LRP4: variants seen among roughly 807,000 people sequenced by gnomAD.
LRP4 encodes low-density lipoprotein receptor-related protein 4.
LRP4 carries 95 observed loss-of-function variants against 220.3 expected under a neutral mutation model. That is an observed-to-expected ratio of 0.43 (90% confidence interval 0.37 to 0.51). The LOEUF is 0.51. Among genes scored for constraint, LRP4 ranks in the 20% least tolerant of loss-of-function variants. The probability of loss-of-function intolerance (pLI) is 0.00; values close to 1 mark genes in which losing one functional copy is unlikely to be tolerated. For synonymous variants in LRP4, 903 were observed against 954.6 expected, an observed-to-expected ratio of 0.95 and a Z score of 1.00; for missense variants, 1,925 against 2,567.0, an observed-to-expected ratio of 0.75 and a Z score of 5.40.
chr11:46,896,191 G>A lies in LRP4; in HGVS notation c.1048+19C>T, dbSNP rs1156689056. Reference sequence around the variant, plus strand: ...CGGCCACAAACCATGGGCCAGGTCCGCCCACTGGGGACACTCACGGCAATT... The same window carrying A: ...CGGCCACAAACCATGGGCCAGGTCCACCCACTGGGGACACTCACGGCAATT... On this transcript the variant is annotated intron_variant, in intron 9 of 37. Transcript: ENST00000378623. The A allele has an allele frequency of 7.4e-6, 12 of 1,613,054 alleles. No homozygotes were observed. Among genetic ancestry groups the A allele is most frequent in the Admixed American group, 1.7e-5 (1 of 60,000 alleles).
At position 46,859,191 on chromosome 11, in the gene LRP4, A is replaced by G. The variant is rs759491078; in HGVS notation, c.5510T>C (p.Leu1837Pro). ...TGTCTTCATGCATACATGATCCCGG[A>G]GGAGGCCCCCCCGTGAGCTTCGCAG... ...KQLRSSRGGL[L>P]RDHVCMKTDT... Residue 1837 changes from leucine to proline, a missense_variant, in exon 38 of 38, where the codon CTC becomes CCC. Physicochemically the swap from Leu to Pro is moderately conservative, Grantham distance 98. This residue lies in a region of LRP4 where 1,244 missense variants were observed against 1,624.9 expected (regional missense o/e 0.77). Coordinates refer to ENST00000378623, the MANE Select transcript of LRP4 (RefSeq NM_002334.4). The G allele has an allele frequency of 5.6e-6, 9 of 1,613,930 alleles. No homozygotes were observed. In the Admixed American group the frequency reaches 1.5e-4, roughly 27 times the overall value.
At position 46,899,991 on chromosome 11, in the gene LRP4, C is replaced by T; in HGVS notation, c.317-15G>A. 1 of 1,596,468 alleles carries T rather than the reference C, an allele frequency of 6.3e-7. No homozygotes were observed. Among genetic ancestry groups the T allele is most frequent in the Non-Finnish European group, 8.6e-7 (1 of 1,164,658 alleles). On this transcript the variant is annotated splice_polypyrimidine_tract_variant and intron_variant, in intron 3 of 37. Coordinates refer to ENST00000378623, the MANE Select transcript of LRP4 (RefSeq NM_002334.4). The surrounding 1 kb of genome is among the most constrained non-coding windows in gnomAD (Gnocchi z 5.9). Reference sequence around the variant, plus strand: ...CTCCCGGGGGGCTGTGGGCACAGAGCAGTCAGGCTGCTGCAGGCAGTGGGG... The same window carrying T: ...CTCCCGGGGGGCTGTGGGCACAGAGTAGTCAGGCTGCTGCAGGCAGTGGGG...
rs886733156 is a variant in LRP4, at chr11:46,898,409, C to T, written c.796+149G>A. 8.6e-6 allele frequency: 9 copies of T among 1,046,180 alleles called. No homozygotes were observed. In the African/African-American group the frequency reaches 1.2e-4, roughly 14 times the overall value. 64.8% of individuals were successfully genotyped at this position (1,046,180 alleles called of 1,614,324 possible). On this transcript the variant is annotated intron_variant, in intron 7 of 37. Coordinates refer to ENST00000378623, the MANE Select transcript of LRP4 (RefSeq NM_002334.4). Reference sequence around the variant, plus strand: ...CCATGTTACCCAGGCTGGTCTTGAACTCCTGACCTCAAGCAATCCACCCAC... The same window carrying T: ...CCATGTTACCCAGGCTGGTCTTGAATTCCTGACCTCAAGCAATCCACCCAC...
At chr11:46,877,067 G>C in intron 23 of LRP4, 132 bp downstream of exon 23, 3 of 1,094,428 alleles carry the variant, frequency 2.7e-6, no homozygotes, top group Non-Finnish European at 4.2e-6. Flanking sequence ...ACAGGGACAG[G>C]GGCTATGCCA....
In LRP4 at chr11:46,876,751, G is replaced by A; in HGVS notation, c.3357C>T (p.Ile1119=). The change falls in exon 24 of 38, where the codon ATC becomes ATT. Residue 1119 remains isoleucine, a synonymous_variant. Transcript: ENST00000378623. ...NLDGSQHEDI[I]TTGLQTTDGL... ...GCTAGGAGGAAGGCCCACCTGTGGT[G>A]ATGATGTCCTCATGCTGTGAGCCAT... The A allele has an allele frequency of 6.2e-7, 1 of 1,614,166 alleles. No homozygotes were observed. Among genetic ancestry groups the A allele is most frequent in the South Asian group, 1.1e-5 (1 of 91,076 alleles).
chr11:46,894,919 A>G, intron 11 of LRP4, 100 bp from the exon 12 acceptor site: 3 of 1,130,406 alleles, frequency 2.7e-6, no homozygotes, highest in South Asian at 1.3e-5. Flanking sequence ...ACTTGCTCAC[A>G]AGGACATGCC....
intron 1 of LRP4, among the ~76,000 whole-genome samples, chr11:46,910,740 C>A (rs1941846128): frequency 6.8e-6 from 1 of 147,756 alleles, no homozygotes; most frequent in Non-Finnish European, 1.5e-5. Context: ...CTGGCACAAT[C>A]TCAGCTTACT....
At position 46,873,598 on chromosome 11, in the gene LRP4, G is replaced by A. The variant is rs769594296; in HGVS notation, c.4230-5C>T. On this transcript the variant is annotated splice_polypyrimidine_tract_variant and splice_region_variant and intron_variant, in intron 28 of 37. Transcript: ENST00000378623. The surrounding 1 kb of genome is among the most constrained non-coding windows in gnomAD (Gnocchi z 4.2). ...CTGCCGTTCAGGTCTGCTCGCCTTG[G>A]GGAGAGCCCAGTGTTGGATGAGCAA... The A allele has an allele frequency of 6.2e-7, 1 of 1,610,094 alleles. No individual in the cohort carries two copies. The highest frequency in any genetic ancestry group is 8.5e-7 in the Non-Finnish European group (1 of 1,176,884).
At chr11:46,917,276 G>C (rs145213032) in intron 1 of LRP4, among the ~76,000 whole-genome samples, 4 of 152,200 alleles carry the variant, frequency 2.6e-5, no homozygotes, top group South Asian at 2.1e-4. Context: ...TCCCTTCATC[G>C]GGGCTGCGAG....
chr11:46,888,409 C>T (rs1941344575), intron 16 of LRP4, among the ~76,000 whole-genome samples: 1 of 151,440 alleles, frequency 6.6e-6, no homozygotes, highest in Non-Finnish European at 1.5e-5. Flanking sequence ...CAAAATTAGC[C>T]AGGTGTGGTG....
At chr11:46,882,512 T>C (rs1014000143) in intron 19 of LRP4, among the ~76,000 whole-genome samples, 1 of 151,730 alleles carries the variant, frequency 6.6e-6, no homozygotes, top group Non-Finnish European at 1.5e-5. Flanking sequence ...GAAATGTTTC[T>C]TGACTGGATG....
chr11:46,881,395 A>G (rs1029242282), intron 20 of LRP4, among the ~76,000 whole-genome samples: 1 of 152,218 alleles, frequency 6.6e-6, no homozygotes, highest in Non-Finnish European at 1.5e-5. Flanking sequence ...GCAACTGGTA[A>G]TTTAACAAGC....
chr11:46,890,074 G>C lies in LRP4; in HGVS notation c.1962C>G (p.Tyr654Ter). The change falls in exon 15 of 38, where the codon TAC becomes TAG. Residue 654 changes from tyrosine (Y) to a stop codon, truncating the protein, a stop_gained. Transcript: ENST00000378623. LOFTEE classifies it high-confidence loss of function. The surrounding 1 kb of genome is among the most constrained non-coding windows in gnomAD (Gnocchi z 5.3). ...FAITVFEDSL[Y>*]WTDWHTKSIN... Reference sequence around the variant, plus strand: ...TGCTCTTGGTGTGCCAGTCTGTCCAGTACAGGCTGTCTTCAAACACTGTGA... The same window carrying C: ...TGCTCTTGGTGTGCCAGTCTGTCCACTACAGGCTGTCTTCAAACACTGTGA... 6.2e-7 allele frequency: 1 copy of C among 1,614,184 alleles called. No individual in the cohort carries two copies. The highest frequency in any genetic ancestry group is 8.5e-7 in the Non-Finnish European group (1 of 1,180,040).
In LRP4 at chr11:46,895,160, C is replaced by T; in HGVS notation, c.1309+6G>A. On this transcript the variant is annotated splice_donor_region_variant and intron_variant, in intron 11 of 37. Transcript: ENST00000378623. Reference sequence around the variant, plus strand: ...GCCCACCCAGCCAAGTGCCAACAGCCCTTACCCAGAGCCTTGCAGCTGCGC... The same window carrying T: ...GCCCACCCAGCCAAGTGCCAACAGCTCTTACCCAGAGCCTTGCAGCTGCGC... 1 of 1,613,844 alleles carries T rather than the reference C, an allele frequency of 6.2e-7. No homozygotes were observed. Among genetic ancestry groups the T allele is most frequent in the Non-Finnish European group, 8.5e-7 (1 of 1,180,028 alleles).
chr11:46,868,135 G>T (rs751391128), intron 33 of LRP4, 21 bp from the exon 34 acceptor site: 2 of 1,613,864 alleles, frequency 1.2e-6, no homozygotes, highest in South Asian at 2.2e-5. Flanking sequence ...AAGAGGATTG[G>T]AGTGGGCCAC....
Position 46,875,248 on chromosome 11 carries a change from C to T in LRP4, c.3926-145G>A. ...CAGGGTGAGGTAGAAGGAGGGTCTGCAGGAGGATCTCCAGGAGTCCTTTGA... is the reference window on the plus strand; with the variant it reads ...CAGGGTGAGGTAGAAGGAGGGTCTGTAGGAGGATCTCCAGGAGTCCTTTGA... On this transcript the variant is annotated intron_variant, in intron 27 of 37. Transcript: ENST00000378623. The surrounding 1 kb of genome is among the most constrained non-coding windows in gnomAD (Gnocchi z 4.5). 1 of 961,320 alleles carries T rather than the reference C, an allele frequency of 1.0e-6. No individual in the cohort carries two copies. The highest frequency in any genetic ancestry group is 1.6e-6 in the Non-Finnish European group (1 of 625,206). 59.5% of individuals were successfully genotyped at this position (961,320 alleles called of 1,614,324 possible).
At chr11:46,868,551 C>T (rs757524148) in intron 33 of LRP4, 49 bp downstream of exon 33, 2 of 1,351,622 alleles carry the variant, frequency 1.5e-6, no homozygotes, top group South Asian at 2.3e-5. Context: ...TGACTCTCAG[C>T]CCTTCCAGGG....
intron 16 of LRP4, 122 bp from the exon 17 acceptor site, chr11:46,886,655 C>T: frequency 1.2e-6 from 1 of 811,394 alleles, no homozygotes; most frequent in Non-Finnish European, 2.1e-6. Flanking sequence ...GTGCCCTTTG[C>T]CCCCTATACT....
At chr11:46,867,446 T>G (rs1430573378) in intron 34 of LRP4, among the ~76,000 whole-genome samples, 1 of 152,140 alleles carries the variant, frequency 6.6e-6, no homozygotes. Context: ...TGTTCTTTTT[T>G]TTGTTGTTTT....
Sources: allele counts gnomAD v4.1 joint callset (sites outside exome capture counted in the v4.1 genomes callset), GRCh38; gene constraint gnomAD v4.1.1; regional missense constraint gnomAD v4.1.1; non-coding constraint Gnocchi (gnomAD v3.1); transcripts MANE v1.5; gene names NCBI Gene and HGNC (gene_info 2026-07-23, HGNC 2026-07-21).